The following NEDD4 variants were observed in gnomAD, a reference collection of about 807,000 sequenced individuals.
NEDD4 encodes E3 ubiquitin-protein ligase NEDD4.
In NEDD4, 99 loss-of-function variants were observed where a neutral mutation model predicts 144.9. The observed-to-expected ratio is 0.68, with a 90% CI of 0.58 to 0.81. The LOEUF is 0.81. Among genes scored for constraint, NEDD4 ranks in the 30% least tolerant of loss-of-function variants. The probability of loss-of-function intolerance (pLI) is 0.00; values close to 1 mark genes in which losing one functional copy is unlikely to be tolerated. For missense variants in NEDD4, 985 were observed against 1,065.9 expected, an observed-to-expected ratio of 0.92 and a Z score of 1.06; for synonymous variants, 318 against 350.6, an observed-to-expected ratio of 0.91 and a Z score of 1.04.
chr15:55,854,563 AG>A (rs1337758751), intron 12 of NEDD4, among the ~76,000 whole-genome samples: 37 of 152,266 alleles, frequency 2.4e-4, no homozygotes, highest in African/African-American at 8.7e-4. Context: ...TTTCTAGAAA[AG>A]GCAAAAACTG....
At chr15:55,838,029 G>A in intron 23 of NEDD4, 78 bp downstream of exon 23, 1 of 1,009,922 alleles carries the variant, frequency 9.9e-7, no homozygotes, top group Non-Finnish European at 1.5e-6. Flanking sequence ...AGGGGACAGA[G>A]AAAGATGGTA....
At chr15:55,982,418 T>C (rs1393255837) in intron 1 of NEDD4, among the ~76,000 whole-genome samples, 4 of 152,102 alleles carry the variant, frequency 2.6e-5, no homozygotes, top group South Asian at 2.1e-4. Flanking sequence ...CGAAATACTA[T>C]TCACCAAGAA....
intron 1 of NEDD4, among the ~76,000 whole-genome samples, chr15:55,992,698 C>T (rs1423601611): frequency 6.6e-6 from 1 of 152,200 alleles, no homozygotes; most frequent in African/African-American, 2.4e-5. Flanking sequence ...GACGGAACAA[C>T]CTTTCCAAAT....
At chr15:55,938,948 T>C (rs1268974412) in intron 4 of NEDD4, among the ~76,000 whole-genome samples, 3 of 151,626 alleles carry the variant, frequency 2.0e-5, no homozygotes, top group African/African-American at 7.3e-5. Flanking sequence ...AAAAATAAAA[T>C]AAAATAAAAA....
rs1279527698 is a variant in NEDD4, at chr15:55,838,606, T to C, written c.2032-2A>G. 1 of 1,592,990 alleles carries C rather than the reference T, an allele frequency of 6.3e-7. No individual in the cohort carries two copies. Among genetic ancestry groups the C allele is most frequent in the Non-Finnish European group, 8.6e-7 (1 of 1,162,674 alleles). On this transcript the variant is annotated splice_acceptor_variant, in intron 21 of 28. Transcript: ENST00000435532. LOFTEE classifies it high-confidence loss of function. ...TAGGGAATTGTAATATTCACTATCCTAGATGGGAAAAATTACATATTTAAA... is the reference window on the plus strand; with the variant it reads ...TAGGGAATTGTAATATTCACTATCCCAGATGGGAAAAATTACATATTTAAA...
rs72734324 is a variant in NEDD4, at chr15:55,941,475, G to A, written c.237+9901C>T. Among the ~76,000 whole-genome samples the A allele has an allele frequency of 7.2e-3, 1,087 of 151,446 alleles. 4 individuals carry two copies. Among genetic ancestry groups the A allele is most frequent in the Middle Eastern group, 0.017 (5 of 290 alleles). ...TCCATGGCTTATTCAAAAGAAACTT[G>A]TTTAATTTCTAAACATTTGTGATAT... On this transcript the variant is annotated intron_variant, in intron 4 of 28. Transcript: ENST00000435532.
rs113502754 is a variant in NEDD4 at position 55,916,547 on chromosome 15, C to T, written c.291+8099G>A. ...TGCTAGACTGAAGATATCCACTGTA[C>T]CTTGTTGGCTGTAGTGAAATCTGTA... On this transcript the variant is annotated intron_variant, in intron 5 of 28. Coordinates refer to ENST00000435532, the MANE Select transcript of NEDD4 (RefSeq NM_006154.4). The T allele has an allele frequency of 2.0e-3, 3,218 of 1,614,070 alleles. 10 individuals are homozygous for T. Among genetic ancestry groups the T allele is most frequent in the Non-Finnish European group, 2.5e-3 (2,944 of 1,179,950 alleles).
At chr15:55,900,012 T>C (rs571796459) in intron 5 of NEDD4, among the ~76,000 whole-genome samples, 190 of 152,274 alleles carry the variant, frequency 1.2e-3, no homozygotes, top group African/African-American at 4.5e-3. Flanking sequence ...GATTCAGACA[T>C]GTCCTCAAAG....
intron 2 of NEDD4, among the ~76,000 whole-genome samples, chr15:55,961,810 C>T (rs1415977025): frequency 6.6e-6 from 1 of 152,032 alleles, no homozygotes; most frequent in Non-Finnish European, 1.5e-5. Flanking sequence ...ACTAATACAG[C>T]CCATGTGTGG....
chr15:55,966,887 T>G (rs79539337), intron 1 of NEDD4, among the ~76,000 whole-genome samples: 2,967 of 152,242 alleles, frequency 0.019, 109 homozygotes, highest in African/African-American at 0.068. Context: ...CATAACCATT[T>G]GGCTTTTGGT....
chr15:55,837,426 C>T (rs569138849), intron 24 of NEDD4, among the ~76,000 whole-genome samples: 4 of 67,456 alleles, frequency 5.9e-5, no homozygotes, highest in South Asian at 6.6e-4. Context: ...TGACTCACTC[C>T]GCGCTCAAAA....
intron 5 of NEDD4, among the ~76,000 whole-genome samples, chr15:55,908,129 C>G (rs182079061): frequency 8.5e-5 from 13 of 152,310 alleles, no homozygotes; most frequent in African/African-American, 2.9e-4. Context: ...TCATCCTCAC[C>G]TATCAGGATT....
At chr15:55,967,964 C>T (rs1199199337) in intron 1 of NEDD4, among the ~76,000 whole-genome samples, 1 of 152,106 alleles carries the variant, frequency 6.6e-6, no homozygotes, top group Non-Finnish European at 1.5e-5. Flanking sequence ...ATGAACACCA[C>T]TGCACTCCAG....
chr15:55,885,070 A>T (rs1379541605), intron 5 of NEDD4, among the ~76,000 whole-genome samples: 1 of 152,184 alleles, frequency 6.6e-6, no homozygotes, highest in Non-Finnish European at 1.5e-5. Context: ...AACAAATAAC[A>T]CACAATGGAA....
chr15:55,880,659 G>A (rs2035155249), intron 5 of NEDD4, among the ~76,000 whole-genome samples: 1 of 152,090 alleles, frequency 6.6e-6, no homozygotes, highest in Non-Finnish European at 1.5e-5. Flanking sequence ...TTCAAGATAG[G>A]AGAGCATAGA....
At chr15:55,903,420 A>G (rs545912185) in intron 5 of NEDD4, among the ~76,000 whole-genome samples, 1 of 152,168 alleles carries the variant, frequency 6.6e-6, no homozygotes, top group Non-Finnish European at 1.5e-5. Flanking sequence ...GGGCCTTTCT[A>G]CTTATTTCTA....
intron 2 of NEDD4, among the ~76,000 whole-genome samples, chr15:55,952,923 G>A (rs1243989857): frequency 3.3e-5 from 5 of 151,946 alleles, no homozygotes; most frequent in South Asian, 4.1e-4. Context: ...ATAAAAACAA[G>A]AACACTTATA....
At chr15:55,954,912 C>T (rs1392109630) in intron 2 of NEDD4, among the ~76,000 whole-genome samples, 1 of 151,784 alleles carries the variant, frequency 6.6e-6, no homozygotes, top group African/African-American at 2.4e-5. Context: ...TGGCCTTCTT[C>T]AGATATCTTT....
At chr15:55,852,372 G>T (rs375461504) in intron 13 of NEDD4, 52 bp downstream of exon 13, 578 of 1,576,290 alleles carry the variant, frequency 3.7e-4, no homozygotes, top group Non-Finnish European at 4.5e-4. Context: ...TTTACATAGG[G>T]ATGTGACAGT....
Sources: allele counts gnomAD v4.1 joint callset (sites outside exome capture counted in the v4.1 genomes callset), GRCh38; gene constraint gnomAD v4.1.1; transcripts MANE v1.5; gene names NCBI Gene and HGNC (gene_info 2026-07-23, HGNC 2026-07-21).